TBX4: variants seen among roughly 807,000 people sequenced by gnomAD.
TBX4 encodes T-box transcription factor TBX4.
In TBX4, 13 loss-of-function variants were observed where a neutral mutation model predicts 54.6. The observed-to-expected ratio is 0.24, with a 90% confidence interval of 0.15 to 0.38. The LOEUF is 0.38. Ranked by LOEUF, TBX4 falls within the 10% of genes least tolerant of loss-of-function variation. The pLI, the probability that TBX4 is intolerant of heterozygous loss-of-function variation, is 1.00. For missense variants in TBX4, 631 were observed against 728.5 expected, an observed-to-expected ratio of 0.87 and a Z score of 1.54; for synonymous variants, 314 against 306.7, an observed-to-expected ratio of 1.02 and a Z score of -0.25.
rs1049406848 is a variant in TBX4 at position 61,474,673 on chromosome 17, G to A, written c.550-3954G>A. Among the ~76,000 whole-genome samples the A allele has an allele frequency of 3.0e-4, 45 of 152,314 alleles. No individual in the cohort carries two copies. The highest frequency in any genetic ancestry group is 3.4e-3 in the Middle Eastern group (1 of 294). On this transcript the variant is annotated intron_variant, in intron 5 of 8. Coordinates refer to ENST00000644296, the MANE Select transcript of TBX4 (RefSeq NM_001321120.2). This position sits in a 1 kb window ranked among gnomAD's most constrained non-coding sequence, Gnocchi z 4.6. ...CCCATTTCTGTGAAACGATGATGAC[G>A]GAACCAGTCATGTAGTGGGGTTGTT...
rs57812211 is a variant in TBX4, at chr17:61,479,294, A to G, written c.702+515A>G. On this transcript the variant is annotated intron_variant, in intron 6 of 8. Coordinates refer to ENST00000644296, the MANE Select transcript of TBX4 (RefSeq NM_001321120.2). The surrounding 1 kb of genome is among the most constrained non-coding windows in gnomAD (Gnocchi z 6.1). Reference sequence around the variant, plus strand: ...TCCCCAGCCCGGCCACCCCCACTGCATCCCAGTCACTGACAGCCGTGCTCT... The same window carrying G: ...TCCCCAGCCCGGCCACCCCCACTGCGTCCCAGTCACTGACAGCCGTGCTCT... Among the ~76,000 whole-genome samples the G allele has an allele frequency of 0.11, 16,322 of 152,088 alleles. 2,925 individuals carry two copies. The highest frequency in any genetic ancestry group is 0.37 in the African/African-American group (15,329 of 41,430).
Position 61,483,361 on chromosome 17 carries a change from C to G in TBX4, c.1486C>G (p.Arg496Gly), listed in dbSNP as rs759509799. Residue 496 changes from arginine to glycine, a missense_variant, in exon 9 of 9, where the codon CGC becomes GGC. Arg to Gly is a moderately radical substitution (Grantham distance 125, BLOSUM62 -2). Transcript: ENST00000644296. This position sits in a 1 kb window ranked among gnomAD's most constrained non-coding sequence, Gnocchi z 6.6. ...RGPSASFPRE[R>G]GLPQGCERKP... ...GCCCAGCGCCTCATTCCCAAGAGAG[C>G]GCGGCCTCCCCCAAGGGTGTGAGAG... 1 of 1,608,106 alleles carries G rather than the reference C, an allele frequency of 6.2e-7. No individual in the cohort carries two copies. The highest frequency in any genetic ancestry group is 1.7e-5 in the Admixed American group (1 of 59,828).
In TBX4 at chr17:61,483,613, AGTGTGTGTGTGTGTGTGTGTGTGTGTGT is replaced by A; in HGVS notation, c.*110_*137del. On this transcript the variant is annotated 3_prime_UTR_variant, in exon 9 of 9. Coordinates refer to ENST00000644296, the MANE Select transcript of TBX4 (RefSeq NM_001321120.2). This position sits in a 1 kb window ranked among gnomAD's most constrained non-coding sequence, Gnocchi z 6.6. Reference sequence around the variant, plus strand: ...ACCAAGAAACACAGGAAGGTATTCCAGTGTGTGTGTGTGTGTGTGTGTGTGTGTGTGTGTGTGTGTATACACGAGCATG... The same window carrying A: ...ACCAAGAAACACAGGAAGGTATTCCAGTGTGTGTGTGTATACACGAGCATG... 7 of 781,266 alleles carry A rather than the reference AGTGTGTGTGTGTGTGTGTGTGTGTGTGT, an allele frequency of 9.0e-6. No individual in the cohort carries two copies. In the South Asian group the frequency reaches 1.0e-4, roughly 12 times the overall value. 48.4% of individuals were successfully genotyped at this position (781,266 alleles called of 1,614,324 possible).
rs2060676277 is a variant in TBX4 at position 61,483,049 on chromosome 17, G to T, written c.1174G>T (p.Ala392Ser). The T allele has an allele frequency of 6.2e-7, 1 of 1,613,952 alleles. No homozygotes were observed. Among genetic ancestry groups the T allele is most frequent in the South Asian group, 1.1e-5 (1 of 91,062 alleles). ...SYCSEVTPRE[A>S]CMYSGSGPEI... ...CTGCAGTGAGGTGACCCCCAGAGAA[G>T]CATGTATGTACTCAGGTTCAGGGCC... is the stretch of plus-strand genomic sequence containing the variant. The change falls in exon 9 of 9, where the codon GCA (alanine) becomes TCA (serine). Residue 392 changes from alanine (A) to serine (S), a missense_variant. Ala to Ser is a moderately conservative substitution (Grantham distance 99). Coordinates refer to ENST00000644296, the MANE Select transcript of TBX4 (RefSeq NM_001321120.2). The surrounding 1 kb of genome is among the most constrained non-coding windows in gnomAD (Gnocchi z 6.6).
intron 1 of TBX4, chr17:61,453,077 A>ATGAT: frequency 2.5e-6 from 2 of 808,682 alleles, no homozygotes; most frequent in Non-Finnish European, 3.0e-6. Context: ...ATAATGATCG[A>ATGAT]TGATTAAAGA....
Position 61,460,913 on chromosome 17 carries a change from G to T in TBX4, c.281+3282G>T, listed in dbSNP as rs2060490513. ...CGTTTGAAAAATGAACTACCGATGA[G>T]AACTCCTGTTGAACCTGTATTGTTT... On this transcript the variant is annotated intron_variant, in intron 3 of 8. Coordinates refer to ENST00000644296, the MANE Select transcript of TBX4 (RefSeq NM_001321120.2). The surrounding 1 kb of genome is among the most constrained non-coding windows in gnomAD (Gnocchi z 4.4). Among the ~76,000 whole-genome samples, 1 of 152,166 alleles carries T rather than the reference G, an allele frequency of 6.6e-6. No individual in the cohort carries two copies. Among genetic ancestry groups the T allele is most frequent in the Non-Finnish European group, 1.5e-5 (1 of 68,038 alleles).
chr17:61,478,433 G>A lies in TBX4; in HGVS notation c.550-194G>A. 1.5e-6 allele frequency: 1 copy of A among 671,610 alleles called. No individual in the cohort carries two copies. The highest frequency in any genetic ancestry group is 1.8e-5 in the South Asian group (1 of 55,492). The allele number at this position is 671,610 out of a possible 1,614,324, so 41.6% of individuals were successfully genotyped here. On this transcript the variant is annotated intron_variant, in intron 5 of 8. Transcript: ENST00000644296. The surrounding 1 kb of genome is among the most constrained non-coding windows in gnomAD (Gnocchi z 7.4). ...AGTGCTGGTGCAGAGAGGCTAAGTAGGGCTGGGGTGGGGAGAGTTTGGGGC... is the reference window on the plus strand; with the variant it reads ...AGTGCTGGTGCAGAGAGGCTAAGTAAGGCTGGGGTGGGGAGAGTTTGGGGC...
rs966573272 is a variant in TBX4 at position 61,460,716 on chromosome 17, T to C, written c.281+3085T>C. On this transcript the variant is annotated intron_variant, in intron 3 of 8. Transcript: ENST00000644296. The surrounding 1 kb of genome is among the most constrained non-coding windows in gnomAD (Gnocchi z 4.4). The stretch of plus-strand genomic sequence containing the variant: ...AACTGCATTTTCTCCCAAACATAGA[T>C]AAAAGTGAGCTCCACAAAAAAATTT... 6.6e-6 allele frequency among the ~76,000 whole-genome samples: 1 copy of C among 152,052 alleles called. No homozygotes were observed. The highest frequency in any genetic ancestry group is 1.5e-5 in the Non-Finnish European group (1 of 68,004).
At position 61,474,245 on chromosome 17, in the gene TBX4, A is replaced by C. The variant is rs867424223; in HGVS notation, c.550-4382A>C. 2.0e-5 allele frequency among the ~76,000 whole-genome samples: 3 copies of C among 152,204 alleles called. No individual in the cohort carries two copies. Among genetic ancestry groups the C allele is most frequent in the Non-Finnish European group, 4.4e-5 (3 of 68,028 alleles). ...ACTTTTGAGGGGCTAGCATCCAGAT[A>C]ACATGTGTTCTGTGTTCTGTAGGGC... is the stretch of plus-strand genomic sequence containing the variant. On this transcript the variant is annotated intron_variant, in intron 5 of 8. Transcript: ENST00000644296. The surrounding 1 kb of genome is among the most constrained non-coding windows in gnomAD (Gnocchi z 4.6).
At chr17:61,452,703 G>C (rs1314390581) in intron 1 of TBX4, 126 bp downstream of exon 1, 1 of 153,816 alleles carries the variant, frequency 6.5e-6, no homozygotes, top group African/African-American at 2.4e-5. Context: ...ACGCGACCCG[G>C]GGAAGAACTT....
In TBX4 at chr17:61,459,057, G is replaced by A. The variant is rs958937596; in HGVS notation, c.281+1426G>A. Among the ~76,000 whole-genome samples, 13 of 152,264 alleles carry A rather than the reference G, an allele frequency of 8.5e-5. No individual in the cohort carries two copies. The highest frequency in any genetic ancestry group is 3.1e-4 in the African/African-American group (13 of 41,474). ...GCATCACCACTCAGGGCCTCTATCA[G>A]GAGAGAAAGTAGGTTTAGTTTAGGG... On this transcript the variant is annotated intron_variant, in intron 3 of 8. Coordinates refer to ENST00000644296, the MANE Select transcript of TBX4 (RefSeq NM_001321120.2). The surrounding 1 kb of genome is among the most constrained non-coding windows in gnomAD (Gnocchi z 4.8).
chr17:61,483,613 AGTGTGTGTGTGTGTGTGTGTGTGTGT>A lies in TBX4; in HGVS notation c.*112_*137del. ...ACCAAGAAACACAGGAAGGTATTCC[AGTGTGTGTGTGTGTGTGTGTGTGTGT>A]GTGTGTGTGTGTGTATACACGAGCA... On this transcript the variant is annotated 3_prime_UTR_variant, in exon 9 of 9. Coordinates refer to ENST00000644296, the MANE Select transcript of TBX4 (RefSeq NM_001321120.2). The surrounding 1 kb of genome is among the most constrained non-coding windows in gnomAD (Gnocchi z 6.6). 3 of 782,848 alleles carry A rather than the reference AGTGTGTGTGTGTGTGTGTGTGTGTGT, an allele frequency of 3.8e-6. No individual in the cohort carries two copies. The highest frequency in any genetic ancestry group is 3.7e-4 in the Middle Eastern group (1 of 2,716). The allele number at this position is 782,848 out of a possible 1,614,324, so 48.5% of individuals were successfully genotyped here. A position where few individuals can be genotyped will look rare whatever the true frequency, so the allele number is the denominator to read the frequency against.
At position 61,467,514 on chromosome 17, in the gene TBX4, G is replaced by C. The variant is rs759509229; in HGVS notation, c.406G>C (p.Val136Leu). ...TCTTATCTGCTCTGTTGGCAGGATG[G>C]TGGCAGGGAAGGCTGAGCCAGCCAT... ...RYKFCDNKWMVAGKAEPAMPG... is the reference protein window; with the variant it reads ...RYKFCDNKWMLAGKAEPAMPG... Residue 136 changes from valine to leucine, a missense_variant, in exon 5 of 9, where the codon GTG becomes CTG. Coordinates refer to ENST00000644296, the MANE Select transcript of TBX4 (RefSeq NM_001321120.2). The C allele has an allele frequency of 2.5e-6, 4 of 1,614,210 alleles. No individual in the cohort carries two copies. In the South Asian group the frequency reaches 4.4e-5, roughly 18 times the overall value.
rs2143845593 is a variant in TBX4, at chr17:61,474,766, G to A, written c.550-3861G>A. Among the ~76,000 whole-genome samples, 1 of 152,378 alleles carries A rather than the reference G, an allele frequency of 6.6e-6. No individual in the cohort carries two copies. The highest frequency in any genetic ancestry group is 2.4e-5 in the African/African-American group (1 of 41,586). On this transcript the variant is annotated intron_variant, in intron 5 of 8. Transcript: ENST00000644296. This position sits in a 1 kb window ranked among gnomAD's most constrained non-coding sequence, Gnocchi z 4.6. The stretch of plus-strand genomic sequence containing the variant: ...ATAAATGTGAAACTCTGGCAAAGTA[G>A]TTTAATGTGGCGCCTGAGGAACTTC...
Position 61,464,845 on chromosome 17 carries a change from C to T in TBX4, c.282-974C>T, listed in dbSNP as rs902915765. Among the ~76,000 whole-genome samples the T allele has an allele frequency of 2.6e-5, 4 of 152,140 alleles. No homozygotes were observed. The highest frequency in any genetic ancestry group is 9.7e-5 in the African/African-American group (4 of 41,436). ...AGAATGTGCCTCGAACCTCAGGGCC[C>T]TTGACAGCCTCAGCATGGGCTGCAG... On this transcript the variant is annotated intron_variant, in intron 3 of 8. Coordinates refer to ENST00000644296, the MANE Select transcript of TBX4 (RefSeq NM_001321120.2). This position sits in a 1 kb window ranked among gnomAD's most constrained non-coding sequence, Gnocchi z 5.8.
In TBX4 at chr17:61,482,997, C is replaced by T. The variant is rs1183527120; in HGVS notation, c.1122C>T (p.Tyr374=). Residue 374 remains tyrosine (Y), a synonymous_variant, in exon 9 of 9, where the codon TAC becomes TAT. Coordinates refer to ENST00000644296, the MANE Select transcript of TBX4 (RefSeq NM_001321120.2). ...EDHYFRSPPP[Y]DQQMLSPSYC... The stretch of plus-strand genomic sequence containing the variant: ...ACTATTTCCGTTCCCCCCCTCCCTA[C>T]GACCAGCAAATGCTGAGCCCCTCCT... 13 of 1,614,070 alleles carry T rather than the reference C, an allele frequency of 8.1e-6. No homozygotes were observed. The highest frequency in any genetic ancestry group is 2.2e-5 in the East Asian group (1 of 44,866).
Position 61,460,731 on chromosome 17 carries a change from C to CA in TBX4, c.281+3107dup, listed in dbSNP as rs1424998242. Among the ~76,000 whole-genome samples, 1 of 152,062 alleles carries CA rather than the reference C, an allele frequency of 6.6e-6. No homozygotes were observed. Among genetic ancestry groups the CA allele is most frequent in the Non-Finnish European group, 1.5e-5 (1 of 68,006 alleles). On this transcript the variant is annotated intron_variant, in intron 3 of 8. Coordinates refer to ENST00000644296, the MANE Select transcript of TBX4 (RefSeq NM_001321120.2). This position sits in a 1 kb window ranked among gnomAD's most constrained non-coding sequence, Gnocchi z 4.4. ...CAAACATAGATAAAAGTGAGCTCCACAAAAAAATTTAAATATAAACCTCCC... is the reference window on the plus strand; with the variant it reads ...CAAACATAGATAAAAGTGAGCTCCACAAAAAAAATTTAAATATAAACCTCCC...
chr17:61,457,497 G>A lies in TBX4; in HGVS notation c.187-40G>A. On this transcript the variant is annotated intron_variant, in intron 2 of 8. Transcript: ENST00000644296. The surrounding 1 kb of genome is among the most constrained non-coding windows in gnomAD (Gnocchi z 8.2). ...TTCCTCAGGCTCCGCGTGGAGCCCTGGGCCTGGCAGACACAAGTTTCTCTC... is the reference window on the plus strand; with the variant it reads ...TTCCTCAGGCTCCGCGTGGAGCCCTAGGCCTGGCAGACACAAGTTTCTCTC... 6.3e-7 allele frequency: 1 copy of A among 1,591,882 alleles called. No homozygotes were observed. The highest frequency in any genetic ancestry group is 8.6e-7 in the Non-Finnish European group (1 of 1,160,004).
At chr17:61,468,389 G>A (rs7214481) in intron 5 of TBX4, among the ~76,000 whole-genome samples, 46,178 of 152,148 alleles carry the variant, frequency 0.3, 7,462 homozygotes, top group African/African-American at 0.41. Context: ...CAGAAGTCTG[G>A]GGACCTGGTA....
Sources: gnomAD v4.1 joint callset for allele counts (sites outside exome capture counted in the v4.1 genomes callset) on GRCh38, gnomAD v4.1.1 for gene constraint, Gnocchi (gnomAD v3.1) non-coding constraint, MANE v1.5 for transcripts, NCBI Gene and HGNC (gene_info 2026-07-23, HGNC 2026-07-21) for gene names.